DNAH6: variants seen among roughly 807,000 people sequenced by gnomAD.
The protein encoded by DNAH6 is dynein axonemal heavy chain 6.
A neutral mutation model predicts 491.4 loss-of-function variants in DNAH6; 340 were observed. The observed-to-expected ratio is 0.69, with a 90% CI of 0.63 to 0.76. The LOEUF (loss-of-function observed/expected upper bound fraction) is 0.76, where lower values mean the gene tolerates loss of function less well. Ranked by LOEUF, DNAH6 falls within the 30% of genes least tolerant of loss-of-function variation. The probability of loss-of-function intolerance (pLI) is 0.00; values close to 1 mark genes in which losing one functional copy is unlikely to be tolerated. For synonymous variants in DNAH6, 1,603 were observed against 1,686.1 expected (o/e 0.95, Z 1.21); for missense variants, 4,443 against 4,972.2 (o/e 0.89, Z 3.20).
intron 63 of DNAH6, among the ~76,000 whole-genome samples, chr2:84,756,801 G>C (rs996511280): frequency 2.6e-5 from 4 of 152,228 alleles, no homozygotes; most frequent in African/African-American, 7.2e-5. Context: ...GGAAATGCCA[G>C]ATGGCTTCTG....
chr2:84,670,488 A>G lies in DNAH6; in HGVS notation c.6454+13A>G. 1 of 1,479,388 alleles carries G rather than the reference A, an allele frequency of 6.8e-7. No individual in the cohort carries two copies. The highest frequency in any genetic ancestry group is 1.3e-5 in the South Asian group (1 of 77,584). The allele number at this position is 1,479,388 out of a possible 1,614,324, so 91.6% of individuals were successfully genotyped here. ...AAAAATATTCTAGGTAAGAATCATT[A>G]TTTTAGTTTGTCCCACACAAATTAT... On this transcript the variant is annotated intron_variant, in intron 39 of 76. Coordinates refer to ENST00000389394, the MANE Select transcript of DNAH6 (RefSeq NM_001370.2).
At chr2:84,645,403 A>T (rs1689799044) in intron 33 of DNAH6, among the ~76,000 whole-genome samples, 1 of 152,106 alleles carries the variant, frequency 6.6e-6, no homozygotes, top group East Asian at 1.9e-4. Flanking sequence ...TGGACAACAA[A>T]AGTGAAACTC....
intron 8 of DNAH6, among the ~76,000 whole-genome samples, chr2:84,549,272 T>A (rs1481308336): frequency 6.6e-6 from 1 of 152,230 alleles, no homozygotes. Context: ...AGTTTATATA[T>A]GAAAATGTCT....
At chr2:84,558,963 C>T (rs1680359713) in intron 11 of DNAH6, among the ~76,000 whole-genome samples, 1 of 152,160 alleles carries the variant, frequency 6.6e-6, no homozygotes, top group South Asian at 2.1e-4. Flanking sequence ...ACCCATTTGT[C>T]AGTCATAAAT....
At chr2:84,707,968 A>C (rs553892634) in intron 54 of DNAH6, among the ~76,000 whole-genome samples, 2 of 152,210 alleles carry the variant, frequency 1.3e-5, no homozygotes, top group Non-Finnish European at 2.9e-5. Flanking sequence ...CAGCTCAAAA[A>C]CCTGGGGGAA....
intron 33 of DNAH6, among the ~76,000 whole-genome samples, chr2:84,650,009 A>G (rs1036371213): frequency 4.6e-5 from 7 of 151,698 alleles, no homozygotes; most frequent in Non-Finnish European, 7.4e-5. Context: ...TTGTCATTTT[A>G]TGTGTTTTTT....
At chr2:84,548,511 C>A (rs1679015724) in intron 8 of DNAH6, 94 bp downstream of exon 8, 2 of 1,401,904 alleles carry the variant, frequency 1.4e-6, no homozygotes, top group Admixed American at 3.7e-5. Flanking sequence ...TGTTAATTTG[C>A]ATAACTGAAG....
rs373722767 is a variant in DNAH6, at chr2:84,785,612, G to A, written c.10956G>A (p.Val3652=). The A allele has an allele frequency of 2.4e-5, 36 of 1,527,850 alleles. No homozygotes were observed. Among genetic ancestry groups the A allele is most frequent in the Non-Finnish European group, 3.2e-5 (36 of 1,140,002 alleles). The allele number at this position is 1,527,850 out of a possible 1,614,324, so 94.6% of individuals were successfully genotyped here. The part of the protein sequence containing the change: ...PVTVLQNSVK[V]TNEPPKGLRA... Reference sequence around the variant, plus strand: ...ACATATATTCTATCTAAATCCAGGTGACCAATGAGCCTCCAAAAGGCTTAC... The same window carrying A: ...ACATATATTCTATCTAAATCCAGGTAACCAATGAGCCTCCAAAAGGCTTAC... Residue 3652 remains valine (V), a splice_region_variant and synonymous_variant, in exon 67 of 77, where the codon GTG becomes GTA. Transcript: ENST00000389394.
chr2:84,648,677 T>C (rs933067508), intron 33 of DNAH6, among the ~76,000 whole-genome samples: 5 of 152,236 alleles, frequency 3.3e-5, no homozygotes, highest in African/African-American at 1.2e-4. Context: ...TGCGATCTCA[T>C]GATCAAACGT....
At chr2:84,466,776 C>G in the DNAH6 span, among the ~76,000 whole-genome samples, 1 of 152,130 alleles carries the variant, frequency 6.6e-6, no homozygotes, top group Non-Finnish European at 1.5e-5. Context: ...AGGATTAAAA[C>G]AAGGTAACAA....
In DNAH6 at chr2:84,577,327, C is replaced by T; in HGVS notation, c.1995C>T (p.Pro665=). The T allele has an allele frequency of 6.2e-7, 1 of 1,612,026 alleles. No individual in the cohort carries two copies. The highest frequency in any genetic ancestry group is 8.5e-7 in the Non-Finnish European group (1 of 1,178,962). The change falls in exon 13 of 77, where the codon CCC becomes CCT. Residue 665 remains proline, a synonymous_variant. Coordinates refer to ENST00000389394, the MANE Select transcript of DNAH6 (RefSeq NM_001370.2). The part of the protein sequence containing the change: ...KQHKDAVALR[P]TRNVGLLLID... ...ACAAGGACGCAGTAGCGCTCAGACC[C>T]ACCAGAAATGTAGGATTGCTGCTCA...
At chr2:84,550,706 A>G (rs4331516) in intron 9 of DNAH6, among the ~76,000 whole-genome samples, 146,846 of 152,252 alleles carry the variant, frequency 0.96, 70,864 homozygotes, top group East Asian at 1. Context: ...TGGATGTCGA[A>G]TATATAGTGA....
Position 84,657,246 on chromosome 2 carries a change from T to A in DNAH6, c.5758-1046T>A, listed in dbSNP as rs149464795. On this transcript the variant is annotated intron_variant, in intron 35 of 76. Transcript: ENST00000389394. ...TTGATTACTGCAGCTGTATAGTAAG[T>A]CTTGAAGTTGGGTAGTGTCAGTTTT... is the stretch of plus-strand genomic sequence containing the variant. Among the ~76,000 whole-genome samples, 23 of 152,190 alleles carry A rather than the reference T, an allele frequency of 1.5e-4. No individual in the cohort carries two copies. In the East Asian group the frequency reaches 2.5e-3, roughly 17 times the overall value.
intron 2 of DNAH6, among the ~76,000 whole-genome samples, chr2:84,523,207 T>C (rs1676307820): frequency 6.6e-6 from 1 of 152,118 alleles, no homozygotes; most frequent in African/African-American, 2.4e-5. Flanking sequence ...CAGGAATTTA[T>C]CCATCCCCTC....
intron 52 of DNAH6, among the ~76,000 whole-genome samples, chr2:84,706,037 T>C (rs1696395144): frequency 6.6e-6 from 1 of 152,256 alleles, no homozygotes; most frequent in Admixed American, 6.5e-5. Context: ...TCTGATGGTC[T>C]GTATTTCCGT....
intron 7 of DNAH6, 77 bp from the exon 8 acceptor site, chr2:84,548,211 C>T: frequency 7.0e-7 from 1 of 1,426,034 alleles, no homozygotes. Context: ...TTTTGTTTAT[C>T]TTTTCTTTGA....
chr2:84,681,273 A>G, intron 41 of DNAH6, 84 bp from the exon 42 acceptor site: 1 of 1,219,012 alleles, frequency 8.2e-7, no homozygotes, highest in South Asian at 1.9e-5. Context: ...TATTATTAGA[A>G]AACGTTATCA....
At chr2:84,482,951 CG>C in the DNAH6 span, among the ~76,000 whole-genome samples, 1 of 149,910 alleles carries the variant, frequency 6.7e-6, no homozygotes, top group Non-Finnish European at 1.5e-5. Context: ...TTTTATGTTA[CG>C]GTTTTTTTTT....
the DNAH6 span, among the ~76,000 whole-genome samples, chr2:84,489,053 A>C: frequency 6.6e-6 from 1 of 152,164 alleles, no homozygotes; most frequent in African/African-American, 2.4e-5. Context: ...ATAGGTCTGA[A>C]ATCATTCAGG....
Sources: gnomAD v4.1 joint callset for allele counts (sites outside exome capture counted in the v4.1 genomes callset) on GRCh38, gnomAD v4.1.1 for gene constraint, MANE v1.5 for transcripts, NCBI Gene and HGNC (gene_info 2026-07-23, HGNC 2026-07-21) for gene names.